The following DCLRE1C variants were observed in gnomAD, a reference collection of about 807,000 sequenced individuals.
DCLRE1C encodes the protein DNA cross-link repair 1C, also known as protein artemis.
A neutral mutation model predicts 61.4 loss-of-function variants in DCLRE1C; 47 were observed. The ratio of observed to expected loss-of-function variants is 0.77; its 90% confidence interval spans 0.61 to 0.98. DCLRE1C has a LOEUF of 0.98. DCLRE1C is among the 50% of genes least tolerant of loss of function. The pLI, the probability that DCLRE1C is intolerant of heterozygous loss-of-function variation, is 0.00. For synonymous variants in DCLRE1C, 337 were observed against 287.6 expected (o/e 1.17, Z -1.74); for missense variants, 858 against 816.0 (o/e 1.05, Z -0.63).
At chr10:14,945,786 G>A (rs2131119733) in intron 2 of DCLRE1C, among the ~76,000 whole-genome samples, 1 of 149,074 alleles carries the variant, frequency 6.7e-6, no homozygotes, top group South Asian at 2.1e-4. Flanking sequence ...AGCCTCCCGA[G>A]TAGCTGGGAT....
rs1839793013 is a variant in DCLRE1C, at chr10:14,935,681, G to A, written c.363-117C>T. ...CAAACATATCCATTACAATACAATG[G>A]TAATGGAATTCCACAGTAATTTGAA... On this transcript the variant is annotated intron_variant, in intron 5 of 13. Coordinates refer to ENST00000378278, the MANE Select transcript of DCLRE1C (RefSeq NM_001033855.3). 3.9e-6 allele frequency: 4 copies of A among 1,024,410 alleles called. No homozygotes were observed. In the South Asian group the frequency reaches 5.2e-5, roughly 13 times the overall value. 63.5% of individuals were successfully genotyped at this position (1,024,410 alleles called of 1,614,324 possible).
Position 14,909,291 on chromosome 10 carries a change from A to T in DCLRE1C, c.1196T>A (p.Ile399Lys). The T allele has an allele frequency of 6.2e-7, 1 of 1,613,896 alleles. No individual in the cohort carries two copies. The highest frequency in any genetic ancestry group is 8.5e-7 in the Non-Finnish European group (1 of 1,179,984). Residue 399 changes from isoleucine to lysine, a missense_variant, in exon 14 of 14, where the codon ATA (isoleucine) becomes AAA (lysine). Ile to Lys is a moderately radical substitution (Grantham distance 102, BLOSUM62 -3). This residue lies in a region of DCLRE1C where 843 missense variants were observed against 783.5 expected (regional missense o/e 1.08). Transcript: ENST00000378278. Reference sequence around the variant, plus strand: ...GTATGGAACTTTGTGCCTTAAAGGTATTGGCAGAGGATCATCAAAGAGATA... The same window carrying T: ...GTATGGAACTTTGTGCCTTAAAGGTTTTGGCAGAGGATCATCAAAGAGATA... ...DDYLFDDPLP[I>K]PLRHKVPYPE... is the part of the protein sequence containing the mutation.
At chr10:14,912,384 T>C (rs2131812815) in intron 13 of DCLRE1C, among the ~76,000 whole-genome samples, 1 of 152,194 alleles carries the variant, frequency 6.6e-6, no homozygotes, top group South Asian at 2.1e-4. Flanking sequence ...GTATGTGTTA[T>C]TTTCTTAGGG....
chr10:14,954,180 T>A (rs1842857920), upstream of DCLRE1C: 3 of 1,171,768 alleles, frequency 2.6e-6, no homozygotes, highest in Non-Finnish European at 3.7e-6. Flanking sequence ...TCAAGGAGCA[T>A]CCGGTCGGGT....
chr10:14,921,101 G>A (rs41299698), intron 12 of DCLRE1C, among the ~76,000 whole-genome samples: 79 of 152,014 alleles, frequency 5.2e-4, no homozygotes, highest in African/African-American at 1.7e-3. Context: ...GGCAGATCAC[G>A]AGAGGTCAAG....
intron 1 of DCLRE1C, among the ~76,000 whole-genome samples, chr10:14,951,127 C>T (rs887232987): frequency 5.9e-5 from 9 of 151,894 alleles, no homozygotes; most frequent in African/African-American, 2.2e-4. Flanking sequence ...ACCTGTCATC[C>T]CAGCACTTTG....
chr10:14,945,039 G>T (rs1490746884), intron 3 of DCLRE1C, 66 bp downstream of exon 3: 3 of 1,263,516 alleles, frequency 2.4e-6, no homozygotes, highest in Non-Finnish European at 3.4e-6. Flanking sequence ...CAAAGTTTTT[G>T]TCAATCTACC....
At position 14,909,165 on chromosome 10, in the gene DCLRE1C, A is replaced by C. The variant is rs374914377; in HGVS notation, c.1322T>G (p.Met441Arg). The change falls in exon 14 of 14, where the codon ATG becomes AGG. Residue 441 changes from methionine to arginine, a missense_variant. Physicochemically the swap from Met to Arg is moderately conservative, Grantham distance 91 (BLOSUM62 -1). Coordinates refer to ENST00000378278, the MANE Select transcript of DCLRE1C (RefSeq NM_001033855.3). ...QTPGCCRAEC[M>R]QSSRFTNFVD... ...AAAGTTTGTGAAACGAGAGCTCTGCATACACTCTGCTCTGCAGCATCCTGG... is the reference window on the plus strand; with the variant it reads ...AAAGTTTGTGAAACGAGAGCTCTGCCTACACTCTGCTCTGCAGCATCCTGG... 8.1e-6 allele frequency: 13 copies of C among 1,614,070 alleles called. No homozygotes were observed. Among genetic ancestry groups the C allele is most frequent in the African/African-American group, 1.3e-5 (1 of 74,924 alleles).
At chr10:14,946,945 C>T (rs962503818) in intron 2 of DCLRE1C, among the ~76,000 whole-genome samples, 2 of 152,208 alleles carry the variant, frequency 1.3e-5, no homozygotes, top group Middle Eastern at 3.4e-3. Context: ...ATAGAGATGC[C>T]GCACGCCTGT....
At chr10:14,926,739 A>T in intron 11 of DCLRE1C, 104 bp downstream of exon 11, 1 of 882,054 alleles carries the variant, frequency 1.1e-6, no homozygotes, top group South Asian at 1.5e-5. Context: ...AATGAAACTT[A>T]CATAGAAACA....
chr10:14,944,673 CTT>C (rs1165126470), intron 3 of DCLRE1C, among the ~76,000 whole-genome samples: 17 of 117,722 alleles, frequency 1.4e-4, no homozygotes, highest in South Asian at 5.6e-4. Flanking sequence ...TTTTTTTTTT[CTT>C]TTTTTTTTTT....
intron 12 of DCLRE1C, chr10:14,920,392 C>T: frequency 9.9e-7 from 1 of 1,013,364 alleles, no homozygotes; most frequent in Non-Finnish European, 1.2e-6. Context: ...CTTTCGAAGG[C>T]CTCACTGCCA....
chr10:14,934,636 C>T (rs1027362301), intron 7 of DCLRE1C, 67 bp downstream of exon 7: 31 of 1,611,082 alleles, frequency 1.9e-5, no homozygotes, highest in Non-Finnish European at 2.5e-5. Flanking sequence ...ACCTGTCACC[C>T]TACAAACTTC....
chr10:14,923,985 C>A (rs983990057), intron 11 of DCLRE1C, among the ~76,000 whole-genome samples: 1 of 152,258 alleles, frequency 6.6e-6, no homozygotes, highest in Non-Finnish European at 1.5e-5. Context: ...CTACATGCAA[C>A]CCTCTCCTGC....
chr10:14,952,162 G>A (rs974476244), intron 1 of DCLRE1C, among the ~76,000 whole-genome samples: 3 of 152,144 alleles, frequency 2.0e-5, no homozygotes, highest in South Asian at 2.1e-4. Flanking sequence ...TCCTAAACAC[G>A]AAGTGCAAGT....
chr10:14,931,681 G>T (rs772363636), intron 9 of DCLRE1C, among the ~76,000 whole-genome samples: 7 of 152,156 alleles, frequency 4.6e-5, no homozygotes, highest in Non-Finnish European at 8.8e-5. Flanking sequence ...GTGAAAAAAA[G>T]TTATGTCTAG....
intron 9 of DCLRE1C, among the ~76,000 whole-genome samples, chr10:14,932,428 G>A (rs2130910171): frequency 6.6e-6 from 1 of 152,216 alleles, no homozygotes; most frequent in East Asian, 1.9e-4. Context: ...ACGAGGTCAG[G>A]AGATTGAGAC....
rs1417272702 is a variant in DCLRE1C, at chr10:14,919,849, T to C, written c.1062-17A>G. ...GGCTTTAAGCTGAAATGAATCAGAA[T>C]ATTTGATTTTTCCTTTTGAGGAAGT... On this transcript the variant is annotated splice_polypyrimidine_tract_variant and intron_variant, in intron 12 of 13. Transcript: ENST00000378278. 4 of 1,584,824 alleles carry C rather than the reference T, an allele frequency of 2.5e-6. No individual in the cohort carries two copies. The highest frequency in any genetic ancestry group is 1.1e-5 in the South Asian group (1 of 90,440).
At chr10:14,899,613 G>A (rs765430780), downstream of DCLRE1C, 3 of 1,614,082 alleles carry the variant, frequency 1.9e-6, no homozygotes, top group South Asian at 1.1e-5. Flanking sequence ...TCTTTGATCT[G>A]GACTATGAGT....
Sources: allele counts gnomAD v4.1 joint callset (sites outside exome capture counted in the v4.1 genomes callset), GRCh38; gene constraint gnomAD v4.1.1; regional missense constraint gnomAD v4.1.1; transcripts MANE v1.5; gene names NCBI Gene and HGNC (gene_info 2026-07-23, HGNC 2026-07-21).